The following SPPL2B variants were observed in gnomAD, a reference collection of about 807,000 sequenced individuals.
SPPL2B encodes the protein signal peptide peptidase like 2B.
In SPPL2B, 39 loss-of-function variants were observed where a neutral mutation model predicts 59.7. The observed-to-expected ratio is 0.65, with a 90% confidence interval of 0.51 to 0.85. SPPL2B has a LOEUF of 0.85. Ranked by LOEUF, SPPL2B falls within the 40% of genes least tolerant of loss-of-function variation. The pLI, the probability that SPPL2B is intolerant of heterozygous loss-of-function variation, is 0.00. For synonymous variants in SPPL2B, 419 were observed against 370.8 expected, an observed-to-expected ratio of 1.13 and a Z score of -1.49; for missense variants, 865 against 849.0, an observed-to-expected ratio of 1.02 and a Z score of -0.23.
chr19:2,344,881 G>A (rs995514539), intron 12 of SPPL2B, among the ~76,000 whole-genome samples: 19 of 152,176 alleles, frequency 1.2e-4, no homozygotes, highest in African/African-American at 4.1e-4. Flanking sequence ...AAGGCCCCCC[G>A]ATTGCAGACA....
In SPPL2B at chr19:2,355,009, C is replaced by T. The variant is rs539437112; in HGVS notation, c.*1800C>T. Among the ~76,000 whole-genome samples the T allele has an allele frequency of 6.2e-4, 95 of 152,354 alleles. No homozygotes were observed. The highest frequency in any genetic ancestry group is 1.3e-3 in the Admixed American group (20 of 15,302). ...GCCATGTGGTCCCTGTCACGCTTCTCAGCTCTGCCACTGTTGCTGGAAAGC... is the reference window on the plus strand; with the variant it reads ...GCCATGTGGTCCCTGTCACGCTTCTTAGCTCTGCCACTGTTGCTGGAAAGC... On this transcript the variant is annotated 3_prime_UTR_variant, in exon 15 of 15. Coordinates refer to ENST00000613503, the MANE Select transcript of SPPL2B (RefSeq NM_152988.3).
chr19:2,350,575 A>G (rs1356057649), intron 13 of SPPL2B, among the ~76,000 whole-genome samples: 4 of 152,268 alleles, frequency 2.6e-5, no homozygotes, highest in Non-Finnish European at 4.4e-5. Context: ...GGGTTCCTGC[A>G]GCTGTGGATT....
chr19:2,340,512 G>C (rs1024887012), intron 7 of SPPL2B: 4 of 601,406 alleles, frequency 6.7e-6, no homozygotes, highest in Non-Finnish European at 1.2e-5. Context: ...GCTCTTAGGG[G>C]TAAAGGGAGC....
At position 2,341,815 on chromosome 19, in the gene SPPL2B, T is replaced by G. The variant is rs1389385664; in HGVS notation, c.956+801T>G. On this transcript the variant is annotated intron_variant, in intron 8 of 14. Transcript: ENST00000613503. The stretch of plus-strand genomic sequence containing the variant: ...CACATGAAGTTAGAGCAGGCCTCAG[T>G]CAGCTGGGCGCAGGGGCTCACGCCT... The G allele has an allele frequency of 8.5e-6, 3 of 351,774 alleles. No individual in the cohort carries two copies. In the Admixed American group the frequency reaches 1.1e-4, roughly 13 times the overall value. The allele number at this position is 351,774 out of a possible 1,614,324, so 21.8% of individuals were successfully genotyped here.
rs777508107 is a variant in SPPL2B at position 2,344,402 on chromosome 19, C to A, written c.1154C>A (p.Ser385Ter). The change falls in exon 11 of 15, where the codon TCG (serine) becomes TAG (stop). Residue 385 changes from serine to a stop codon, truncating the protein, a stop_gained. Coordinates refer to ENST00000613503, the MANE Select transcript of SPPL2B (RefSeq NM_152988.3). LOFTEE classifies it high-confidence loss of function. The stretch of plus-strand genomic sequence containing the variant: ...ATGGTGGAGGTGGCCACTGGGCCCT[C>A]GGACTCAGCCACCCGTGAGAAGGTG... Reference protein sequence around the residue: ...SIMVEVATGPSDSATREKLPM... With the variant: ...SIMVEVATGP The A allele has an allele frequency of 6.4e-7, 1 of 1,568,562 alleles. No homozygotes were observed. The highest frequency in any genetic ancestry group is 8.6e-7 in the Non-Finnish European group (1 of 1,157,750).
In SPPL2B at chr19:2,334,606, C is replaced by T. The variant is rs774947165; in HGVS notation, c.71C>T (p.Ala24Val). 16 of 1,610,406 alleles carry T rather than the reference C, an allele frequency of 9.9e-6. No homozygotes were observed. The highest frequency in any genetic ancestry group is 1.2e-5 in the Non-Finnish European group (14 of 1,178,590). The change falls in exon 2 of 15, where the codon GCC becomes GTC. Residue 24 changes from alanine to valine, a missense_variant. Ala to Val is a moderately conservative substitution (Grantham distance 64, BLOSUM62 0). Coordinates refer to ENST00000613503, the MANE Select transcript of SPPL2B (RefSeq NM_152988.3). ...ACTGCTGGCCTTGTCCTGCAGGTGG[C>T]CTGTGAGTACGGCATGGTGCACGTG... ...AAFLLLAAQV[A>V]CEYGMVHVVS...
rs893743616 is a variant in SPPL2B, at chr19:2,351,577, A to T, written c.1498A>T (p.Thr500Ser). 3 of 1,610,662 alleles carry T rather than the reference A, an allele frequency of 1.9e-6. No homozygotes were observed. The highest frequency in any genetic ancestry group is 1.1e-5 in the South Asian group (1 of 90,948). The change falls in exon 14 of 15, where the codon ACG becomes TCG. Residue 500 changes from threonine to serine, a missense_variant. Physicochemically the swap from Thr to Ser is moderately conservative, Grantham distance 58 (BLOSUM62 1). Coordinates refer to ENST00000613503, the MANE Select transcript of SPPL2B (RefSeq NM_152988.3). ...LWRRELGVFW[T>S]GSGFAKVLPP... ...GCGCCGGGAGCTGGGCGTGTTCTGGACGGGCAGCGGCTTTGCGGTGAATAC... is the reference window on the plus strand; with the variant it reads ...GCGCCGGGAGCTGGGCGTGTTCTGGTCGGGCAGCGGCTTTGCGGTGAATAC...
intron 5 of SPPL2B, 194 bp from the exon 6 acceptor site, chr19:2,339,630 G>A (rs938130730): frequency 4.6e-6 from 3 of 648,634 alleles, no homozygotes; most frequent in Admixed American, 2.9e-5. Flanking sequence ...CCAGGGACGC[G>A]GGCCCTGCCA....
At chr19:2,350,026 C>T (rs894285851) in intron 13 of SPPL2B, among the ~76,000 whole-genome samples, 3 of 145,160 alleles carry the variant, frequency 2.1e-5, no homozygotes, top group Non-Finnish European at 4.5e-5. Flanking sequence ...GACACACACT[C>T]GCTCTCATTC....
Position 2,339,200 on chromosome 19 carries a change from C to T in SPPL2B, c.591C>T (p.Asp197=), listed in dbSNP as rs547057814. 63 of 1,603,414 alleles carry T rather than the reference C, an allele frequency of 3.9e-5. No individual in the cohort carries two copies. The highest frequency in any genetic ancestry group is 3.8e-4 in the South Asian group (34 of 89,512). The change falls in exon 5 of 15, where the codon GAC becomes GAT. Residue 197 remains aspartate, a synonymous_variant. Coordinates refer to ENST00000613503, the MANE Select transcript of SPPL2B (RefSeq NM_152988.3). ...AIGGYWAGSR[D]VKKRYMKHKR... ...GCGGCTACTGGGCCGGGAGTCGGGA[C>T]GTGAAGAAGTGAGTTTCGCATCGTG... is the stretch of plus-strand genomic sequence containing the variant.
Position 2,328,765 on chromosome 19 carries a change from T to C in SPPL2B, c.56T>C (p.Leu19Pro), listed in dbSNP as rs1968119258. 6.9e-7 allele frequency: 1 copy of C among 1,459,252 alleles called. No individual in the cohort carries two copies. Among genetic ancestry groups the C allele is most frequent in the South Asian group, 1.3e-5 (1 of 74,628 alleles). 90.4% of individuals were successfully genotyped at this position (1,459,252 alleles called of 1,614,324 possible). The change falls in exon 1 of 15, where the codon CTC becomes CCC. Residue 19 changes from leucine to proline, a missense_variant. Coordinates refer to ENST00000613503, the MANE Select transcript of SPPL2B (RefSeq NM_152988.3). ...LARLLAAFLL[L>P]AAQVACEYGM... ...CGGCTTTTGGCGGCCTTTCTGCTCC[T>C]CGCGGCCCAGGTGAGCGCGGCACCG...
At chr19:2,350,675 G>A (rs562184804) in intron 13 of SPPL2B, among the ~76,000 whole-genome samples, 2 of 152,356 alleles carry the variant, frequency 1.3e-5, no homozygotes, top group Admixed American at 6.5e-5. Context: ...CAGTTTTCCC[G>A]AAGCAATGCC....
intron 9 of SPPL2B, 23 bp from the exon 10 acceptor site, chr19:2,343,942 G>T (rs369219205): frequency 1.3e-6 from 2 of 1,538,388 alleles, no homozygotes; most frequent in Non-Finnish European, 1.8e-6. Context: ...GGTGGGGGCC[G>T]CCCTCAGCCG....
intron 13 of SPPL2B, among the ~76,000 whole-genome samples, chr19:2,348,820 A>T: frequency 9.1e-6 from 1 of 109,642 alleles, no homozygotes; most frequent in African/African-American, 3.8e-5. Context: ...TCGTGTTCTC[A>T]TTCGCTTGAT....
chr19:2,339,234 G>T, intron 5 of SPPL2B, 26 bp downstream of exon 5: 1 of 1,594,124 alleles, frequency 6.3e-7, no homozygotes, highest in Non-Finnish European at 8.5e-7. Flanking sequence ...TGCGTGTGCT[G>T]TGACGGGGTC....
chr19:2,340,197 C>T (rs782220393), intron 7 of SPPL2B, 25 bp downstream of exon 7: 241 of 1,514,572 alleles, frequency 1.6e-4, no homozygotes, highest in Admixed American at 1.1e-3. Flanking sequence ...CTGGCCCCGA[C>T]GTGCCTGACT....
Position 2,351,602 on chromosome 19 carries a change from C to T in SPPL2B, c.1515+8C>T, listed in dbSNP as rs749273848. On this transcript the variant is annotated splice_region_variant and intron_variant, in intron 14 of 14. Coordinates refer to ENST00000613503, the MANE Select transcript of SPPL2B (RefSeq NM_152988.3). Reference sequence around the variant, plus strand: ...ACGGGCAGCGGCTTTGCGGTGAATACCAGTTTGCTCTGACTGTGAGAAATA... The same window carrying T: ...ACGGGCAGCGGCTTTGCGGTGAATATCAGTTTGCTCTGACTGTGAGAAATA... 1.2e-6 allele frequency: 2 copies of T among 1,601,426 alleles called. No homozygotes were observed. The highest frequency in any genetic ancestry group is 1.7e-6 in the Non-Finnish European group (2 of 1,172,156).
rs1318162442 is a variant in SPPL2B, at chr19:2,348,876, A to T, written c.1355-2558A>T. Among the ~76,000 whole-genome samples the T allele has an allele frequency of 3.2e-5, 4 of 125,036 alleles. No individual in the cohort carries two copies. The Admixed American group carries it at 3.9e-4, about 12-fold the overall frequency. 82.0% of individuals were successfully genotyped at this position (125,036 alleles called of 152,430 possible). A position where few individuals can be genotyped will look rare whatever the true frequency, so the allele number is the denominator to read the frequency against. ...ACACTCACGCGCTGTCATTCGCTTG[A>T]TTCCATTCTCTCTCTCCACACACAC... On this transcript the variant is annotated intron_variant, in intron 13 of 14. Transcript: ENST00000613503.
intron 2 of SPPL2B, chr19:2,337,079 T>C (rs1968692756): frequency 5.0e-6 from 1 of 200,272 alleles, no homozygotes; most frequent in Non-Finnish European, 1.0e-5. Flanking sequence ...TGGGGCTTTG[T>C]TCTCTGCACA....
Sources: allele counts gnomAD v4.1 joint callset (sites outside exome capture counted in the v4.1 genomes callset), GRCh38; gene constraint gnomAD v4.1.1; transcripts MANE v1.5; gene names NCBI Gene and HGNC (gene_info 2026-07-23, HGNC 2026-07-21).